SLIT2: variants seen among roughly 807,000 people sequenced by gnomAD.
SLIT2 encodes slit homolog 2 protein.
In SLIT2, 41 loss-of-function variants were observed where a neutral mutation model predicts 185.7. The observed-to-expected ratio is 0.22, with a 90% confidence interval of 0.17 to 0.29. The LOEUF is 0.29. Among genes scored for constraint, SLIT2 ranks in the 10% least tolerant of loss-of-function variants. SLIT2 has a pLI of 1.00. For synonymous variants in SLIT2, 693 were observed against 680.2 expected (o/e 1.02, Z -0.29); for missense variants, 1,571 against 1,909.0 (o/e 0.82, Z 3.30).
chr4:20,287,096 T>C (rs1715338464), intron 4 of SLIT2, among the ~76,000 whole-genome samples: 1 of 152,136 alleles, frequency 6.6e-6, no homozygotes, highest in African/African-American at 2.4e-5. Flanking sequence ...GTCTAAGTGG[T>C]CTCAAGCTAT....
chr4:20,280,080 T>A lies in SLIT2; in HGVS notation c.395+11199T>A, dbSNP rs1286906458. Among the ~76,000 whole-genome samples the A allele has an allele frequency of 3.9e-5, 6 of 152,224 alleles. No individual in the cohort carries two copies. In the East Asian group the frequency reaches 9.7e-4, roughly 25 times the overall value. ...TGGGCATGGTGGCTCATGCCTGTAATCCCAGCACTTTGGGAGGCGGAGGTG... is the reference window on the plus strand; with the variant it reads ...TGGGCATGGTGGCTCATGCCTGTAAACCCAGCACTTTGGGAGGCGGAGGTG... On this transcript the variant is annotated intron_variant, in intron 4 of 36. Transcript: ENST00000504154.
chr4:20,592,695 T>C (rs1727605754), intron 30 of SLIT2, among the ~76,000 whole-genome samples: 1 of 152,196 alleles, frequency 6.6e-6, no homozygotes, highest in African/African-American at 2.4e-5. Context: ...TTCTTTTTTT[T>C]AATGCTTGGC....
intron 9 of SLIT2, among the ~76,000 whole-genome samples, chr4:20,502,307 A>G (rs1052150354): frequency 6.6e-6 from 1 of 152,240 alleles, no homozygotes; most frequent in African/African-American, 2.4e-5. Context: ...CAAAAGTCCA[A>G]GGAATCTAGT....
intron 4 of SLIT2, among the ~76,000 whole-genome samples, chr4:20,391,888 G>T (rs376762008): frequency 1.4e-4 from 22 of 152,142 alleles, no homozygotes; most frequent in Middle Eastern, 6.8e-3. Flanking sequence ...TAGTACTAGT[G>T]TGCCATCTTC....
intron 4 of SLIT2, among the ~76,000 whole-genome samples, chr4:20,323,027 A>T (rs1217954107): frequency 1.3e-5 from 2 of 152,222 alleles, no homozygotes; most frequent in Admixed American, 1.3e-4. Flanking sequence ...CAACCCTGTC[A>T]TAAAAGTGTT....
chr4:20,563,288 T>C (rs1178658041), intron 26 of SLIT2, among the ~76,000 whole-genome samples: 1 of 151,824 alleles, frequency 6.6e-6, no homozygotes, highest in Non-Finnish European at 1.5e-5. Context: ...TAAAGATCTT[T>C]ATCCCTGAAG....
At chr4:20,472,229 T>TAG (rs1453053176) in intron 5 of SLIT2, among the ~76,000 whole-genome samples, 20 of 103,310 alleles carry the variant, frequency 1.9e-4, no homozygotes, top group African/African-American at 6.1e-4. Context: ...TGTGTATATA[T>TAG]ATATAGATCT....
chr4:20,580,285 A>G, intron 29 of SLIT2, among the ~76,000 whole-genome samples: 1 of 151,048 alleles, frequency 6.6e-6, no homozygotes, highest in African/African-American at 2.4e-5. Flanking sequence ...TGATCCACGC[A>G]CCTCGGCCTC....
chr4:20,557,748 G>T (rs939526010), intron 26 of SLIT2, among the ~76,000 whole-genome samples: 1 of 151,942 alleles, frequency 6.6e-6, no homozygotes, highest in Non-Finnish European at 1.5e-5. Flanking sequence ...GATGGATTTG[G>T]GCATAGTAAA....
At chr4:20,309,279 A>G (rs987377610) in intron 4 of SLIT2, among the ~76,000 whole-genome samples, 1 of 152,122 alleles carries the variant, frequency 6.6e-6, no homozygotes, top group East Asian at 1.9e-4. Context: ...TTTAAATAAG[A>G]ACACCAATTA....
chr4:20,307,861 G>A (rs1360448279), intron 4 of SLIT2, among the ~76,000 whole-genome samples: 1 of 152,082 alleles, frequency 6.6e-6, no homozygotes, highest in African/African-American at 2.4e-5. Context: ...GCAGAACTGG[G>A]ATTTGAGACC....
At position 20,365,442 on chromosome 4, in the gene SLIT2, C is replaced by T. The variant is rs76041300; in HGVS notation, c.395+96561C>T. Among the ~76,000 whole-genome samples, 1,032 of 152,226 alleles carry T rather than the reference C, an allele frequency of 6.8e-3. 22 individuals carry two copies. The highest frequency in any genetic ancestry group is 0.023 in the African/African-American group (976 of 41,564). ...GAAGCCTCAGTTGAAGGCTGCCGCA[C>T]CTTCAACTCTCTGCCATGTTCCAGG... is the stretch of plus-strand genomic sequence containing the variant. On this transcript the variant is annotated intron_variant, in intron 4 of 36. Transcript: ENST00000504154.
In SLIT2 at chr4:20,484,433, C is replaced by T. The variant is rs1301123296; in HGVS notation, c.540-1767C>T. On this transcript the variant is annotated intron_variant, in intron 6 of 36. Coordinates refer to ENST00000504154, the MANE Select transcript of SLIT2 (RefSeq NM_004787.4). This position sits in a 1 kb window ranked among gnomAD's most constrained non-coding sequence, Gnocchi z 4.3. ...CCAACAAATCCAGTGCTCTGTAGGT[C>T]CCCCATAAAGTGGTTTATTTTTTGT... Among the ~76,000 whole-genome samples the T allele has an allele frequency of 2.6e-5, 4 of 152,060 alleles. No homozygotes were observed. Among genetic ancestry groups the T allele is most frequent in the Admixed American group, 2.6e-4 (4 of 15,252 alleles).
At chr4:20,255,802 G>C (rs543171222) in intron 1 of SLIT2, among the ~76,000 whole-genome samples, 8 of 152,244 alleles carry the variant, frequency 5.3e-5, no homozygotes, top group Non-Finnish European at 8.8e-5. Flanking sequence ...TTCTATCATT[G>C]AAACAGTTTG....
intron 16 of SLIT2, among the ~76,000 whole-genome samples, chr4:20,529,931 AAC>A (rs1721636083): frequency 1.3e-5 from 2 of 152,152 alleles, no homozygotes; most frequent in Non-Finnish European, 2.9e-5. Context: ...TTCCATCTTT[AAC>A]TAGATTATAG....
At chr4:20,561,101 A>G (rs530426675) in intron 26 of SLIT2, among the ~76,000 whole-genome samples, 5 of 152,002 alleles carry the variant, frequency 3.3e-5, no homozygotes, top group Middle Eastern at 3.4e-3. Flanking sequence ...TTTGAATCAA[A>G]TGGAGTATAA....
At chr4:20,360,387 T>C (rs1172141203) in intron 4 of SLIT2, among the ~76,000 whole-genome samples, 1 of 152,102 alleles carries the variant, frequency 6.6e-6, no homozygotes, top group Middle Eastern at 3.2e-3. Context: ...CATGACCTCA[T>C]TTCATCCTAG....
At chr4:20,567,142 C>A in intron 26 of SLIT2, 120 bp from the exon 27 acceptor site, 1 of 899,296 alleles carries the variant, frequency 1.1e-6, no homozygotes, top group Non-Finnish European at 1.7e-6. Context: ...ATGAGAGACA[C>A]ATATAGATAT....
intron 4 of SLIT2, among the ~76,000 whole-genome samples, chr4:20,351,052 C>CT (rs71181559): frequency 0.29 from 40,832 of 143,064 alleles, 5,865 homozygotes; most frequent in South Asian, 0.46. Flanking sequence ...TTCTTTTTTT[C>CT]TTTTTTTTTT....
Sources: allele counts gnomAD v4.1 joint callset (sites outside exome capture counted in the v4.1 genomes callset), GRCh38; gene constraint gnomAD v4.1.1; non-coding constraint Gnocchi (gnomAD v3.1); transcripts MANE v1.5; gene names NCBI Gene and HGNC (gene_info 2026-07-23, HGNC 2026-07-21).